The following SPATA3 variants were observed in gnomAD, a reference collection of about 807,000 sequenced individuals.
SPATA3 encodes the protein spermatogenesis-associated protein 3.
Under a neutral mutation model 5.7 loss-of-function variants are expected in SPATA3, and 6 were observed. The ratio of observed to expected loss-of-function variants is 1.06; its 90% CI spans 0.58 to 2.09. The LOEUF is 2.09. Among genes scored for constraint, SPATA3 ranks in the 30% most tolerant of loss-of-function variants. The pLI is 0.00. For synonymous variants in SPATA3, 44 were observed against 48.4 expected (o/e 0.91, Z 0.37); for missense variants, 155 against 130.4 (o/e 1.19, Z -0.92).
downstream of SPATA3, among the ~76,000 whole-genome samples, chr2:231,004,287 C>A (rs926445759): frequency 6.6e-6 from 1 of 152,120 alleles, no homozygotes; most frequent in Admixed American, 6.5e-5. Context: ...AATGACAGTA[C>A]CTTCCTCTTG....
chr2:231,001,913 G>A (rs959089471), intron 2 of SPATA3, among the ~76,000 whole-genome samples: 8 of 152,276 alleles, frequency 5.3e-5, no homozygotes, highest in East Asian at 1.9e-4. Context: ...CCTCTGAAAG[G>A]TTCCTGTCAA....
At position 231,000,438 on chromosome 2, in the gene SPATA3, G is replaced by C. The variant is rs773160792; in HGVS notation, c.863G>C (p.Arg288Pro). The C allele has an allele frequency of 2.3e-5, 35 of 1,548,882 alleles. 1 individual carries two copies. The highest frequency in any genetic ancestry group is 2.7e-5 in the Non-Finnish European group (31 of 1,145,184). ...CCCTGCAGCTCCGCTTGCTGGCGTC[G>C]TCTGGGGCTATGCCATAGCCGCATC... Residue 288 changes from arginine to proline, a missense_variant, in exon 2 of 3, where the codon CGT becomes CCT. Transcript: ENST00000645363.
chr2:231,015,971 G>A (rs1388149492), intron 6 of SPATA3, among the ~76,000 whole-genome samples: 1 of 152,258 alleles, frequency 6.6e-6, no homozygotes, highest in Non-Finnish European at 1.5e-5. Context: ...AGAACTTCCA[G>A]CTGTGAAGTC....
chr2:231,018,916 C>T (rs973051224), intron 6 of SPATA3, among the ~76,000 whole-genome samples: 1 of 151,648 alleles, frequency 6.6e-6, no homozygotes, highest in Non-Finnish European at 1.5e-5. Flanking sequence ...GAATTCCTGA[C>T]CTCAGGTGAT....
At chr2:231,019,181 G>A (rs1055461968) in intron 6 of SPATA3, among the ~76,000 whole-genome samples, 6 of 151,382 alleles carry the variant, frequency 4.0e-5, no homozygotes, top group East Asian at 1.9e-4. Flanking sequence ...ATGTTAGCCA[G>A]GATGGTCTCG....
chr2:231,005,463 C>CAT (rs1692571874), downstream of SPATA3, among the ~76,000 whole-genome samples: 1 of 22,020 alleles, frequency 4.5e-5, no homozygotes, highest in Admixed American at 4.4e-4. Context: ...ACCACCACCA[C>CAT]CACCACCATC....
At chr2:231,008,678 G>A (rs999001877), downstream of SPATA3, among the ~76,000 whole-genome samples, 12 of 152,258 alleles carry the variant, frequency 7.9e-5, no homozygotes, top group African/African-American at 2.9e-4. Context: ...CTCCATGGCT[G>A]CAGCTTCTGG....
chr2:230,996,224 A>G (rs756022308), intron 1 of SPATA3: 11 of 1,547,470 alleles, frequency 7.1e-6, no homozygotes, highest in East Asian at 2.4e-5. Context: ...TTAGGTTGGG[A>G]GGATCTACCA....
chr2:231,004,140 C>T (rs1406379793), downstream of SPATA3: 1 of 152,260 alleles, frequency 6.6e-6, no homozygotes, highest in African/African-American at 2.4e-5. Flanking sequence ...GGAGAGCTCA[C>T]TATCCCCTCA....
chr2:231,016,031 C>T (rs1288139665), intron 6 of SPATA3, among the ~76,000 whole-genome samples: 3 of 152,166 alleles, frequency 2.0e-5, no homozygotes, highest in South Asian at 2.1e-4. Flanking sequence ...CATGGGCAGG[C>T]GTGAAGCCCC....
At chr2:231,016,032 G>A (rs572667564) in intron 6 of SPATA3, among the ~76,000 whole-genome samples, 119 of 152,336 alleles carry the variant, frequency 7.8e-4, no homozygotes, top group East Asian at 3.9e-4. Flanking sequence ...ATGGGCAGGC[G>A]TGAAGCCCCC....
At chr2:231,009,649 G>C (rs1008757481), downstream of SPATA3, among the ~76,000 whole-genome samples, 1 of 152,230 alleles carries the variant, frequency 6.6e-6, no homozygotes, top group African/African-American at 2.4e-5. Context: ...CTCTTGAAGA[G>C]TGGAAACTGC....
downstream of SPATA3, among the ~76,000 whole-genome samples, chr2:231,007,595 A>C (rs1251323794): frequency 1.3e-5 from 2 of 152,230 alleles, no homozygotes; most frequent in East Asian, 3.8e-4. Flanking sequence ...AATAGGAGGA[A>C]TGTGCCGGTT....
intron 2 of SPATA3, 151 bp from the exon 3 acceptor site, chr2:231,002,533 A>G: frequency 2.2e-6 from 1 of 456,466 alleles, no homozygotes; most frequent in Non-Finnish European, 3.9e-6. Context: ...GGATGGGAAG[A>G]ATTAAATGCT....
chr2:231,004,929 C>G (rs1470435619), downstream of SPATA3, among the ~76,000 whole-genome samples: 1 of 151,142 alleles, frequency 6.6e-6, no homozygotes, highest in Non-Finnish European at 1.5e-5. Context: ...ACTACTACCA[C>G]CACTGTCAGC....
intron 1 of SPATA3, chr2:230,999,584 A>G (rs1212082244): frequency 6.4e-6 from 1 of 156,520 alleles, no homozygotes; most frequent in Non-Finnish European, 1.5e-5. Context: ...ACGCAGGGCT[A>G]CAGATAGGAA....
chr2:230,996,605 G>T (rs1364674652), intron 1 of SPATA3, 71 bp downstream of exon 1: 1 of 1,504,570 alleles, frequency 6.6e-7, no homozygotes, highest in Non-Finnish European at 8.9e-7. Context: ...CCAAAGGCTG[G>T]TTCTTGTAGG....
chr2:231,018,825 C>T (rs1178954004), intron 6 of SPATA3, among the ~76,000 whole-genome samples: 4 of 152,122 alleles, frequency 2.6e-5, no homozygotes, highest in Non-Finnish European at 5.9e-5. Context: ...GCTGGGATTA[C>T]AGGCACGTGC....
rs1693007198 is a variant in SPATA3 at position 231,019,032 on chromosome 2, T to A, written c.*566-688T>A. On this transcript the variant is annotated intron_variant, in intron 6 of 8. Coordinates refer to the SPATA3 transcript ENST00000452881. ...CCCAGGCTGGAGCGCAGTGGCACGA[T>A]CTCGGCTCACTGCAAGCTCCGCCTC... Among the ~76,000 whole-genome samples the A allele has an allele frequency of 4.1e-5, 6 of 145,066 alleles. 1 individual carries two copies. The South Asian group carries it at 1.3e-3, about 32-fold the overall frequency.
Sources: gnomAD v4.1 joint callset for allele counts (sites outside exome capture counted in the v4.1 genomes callset) on GRCh38, gnomAD v4.1.1 for gene constraint, MANE v1.5 for transcripts, NCBI Gene and HGNC (gene_info 2026-07-23, HGNC 2026-07-21) for gene names.